RSRC1: variants seen among roughly 807,000 people sequenced by gnomAD.
The protein encoded by RSRC1 is serine/Arginine-related protein 53.
A neutral mutation model predicts 49.1 loss-of-function variants in RSRC1; 39 were observed. That is an observed-to-expected ratio of 0.79 (90% confidence interval 0.61 to 1.04). The LOEUF (loss-of-function observed/expected upper bound fraction) is 1.04. Among genes scored for constraint, RSRC1 ranks in the 50% least tolerant of loss-of-function variants. The pLI is 0.00. For missense variants in RSRC1, 388 were observed against 402.4 expected, an observed-to-expected ratio of 0.96 and a Z score of 0.31; for synonymous variants, 143 against 130.8, an observed-to-expected ratio of 1.09 and a Z score of -0.63.
chr3:158,188,545 C>T (rs1720054796), intron 3 of RSRC1, among the ~76,000 whole-genome samples: 1 of 151,910 alleles, frequency 6.6e-6, no homozygotes, highest in Admixed American at 6.6e-5. Flanking sequence ...CCTAAGGTTC[C>T]TTTATTTCCT....
intron 3 of RSRC1, among the ~76,000 whole-genome samples, chr3:158,187,677 G>C (rs1347157035): frequency 6.6e-6 from 1 of 151,960 alleles, no homozygotes; most frequent in African/African-American, 2.4e-5. Context: ...CACCTATGCT[G>C]ATCTGAACAG....
intron 3 of RSRC1, among the ~76,000 whole-genome samples, chr3:158,189,746 T>C (rs1337483285): frequency 2.0e-5 from 3 of 151,968 alleles, no homozygotes; most frequent in African/African-American, 7.2e-5. Context: ...ATTACTGATA[T>C]ATTTGGATTT....
At chr3:158,317,014 A>C (rs1728503437) in intron 5 of RSRC1, among the ~76,000 whole-genome samples, 1 of 152,224 alleles carries the variant, frequency 6.6e-6, no homozygotes, top group Admixed American at 6.5e-5. Flanking sequence ...GTACAGCAGC[A>C]GTAGATGCAA....
intron 7 of RSRC1, among the ~76,000 whole-genome samples, chr3:158,495,606 C>T (rs1161439653): frequency 6.6e-6 from 1 of 152,124 alleles, no homozygotes; most frequent in Non-Finnish European, 1.5e-5. Context: ...ATTGTTTATG[C>T]AACATTTAGT....
chr3:158,134,999 A>G (rs1716276883), intron 3 of RSRC1, among the ~76,000 whole-genome samples: 1 of 152,160 alleles, frequency 6.6e-6, no homozygotes, highest in Non-Finnish European at 1.5e-5. Context: ...TAATTTATTG[A>G]TAATTTTTTT....
At chr3:158,439,739 A>G (rs1736272962) in intron 6 of RSRC1, among the ~76,000 whole-genome samples, 1 of 152,162 alleles carries the variant, frequency 6.6e-6, no homozygotes, top group African/African-American at 2.4e-5. Flanking sequence ...GGTGCAGCAA[A>G]CCAACATGGC....
chr3:158,333,772 C>T (rs910442028), intron 5 of RSRC1, among the ~76,000 whole-genome samples: 1 of 152,162 alleles, frequency 6.6e-6, no homozygotes, highest in Admixed American at 6.5e-5. Flanking sequence ...TATGTGAAGT[C>T]TCTAAAGCAA....
intron 3 of RSRC1, among the ~76,000 whole-genome samples, chr3:158,155,077 C>T (rs935228636): frequency 1.3e-5 from 2 of 152,058 alleles, no homozygotes; most frequent in East Asian, 3.9e-4. Context: ...AGTCTTCTTC[C>T]TCACAGTCAC....
At chr3:158,222,926 A>G (rs1722305483) in intron 4 of RSRC1, among the ~76,000 whole-genome samples, 1 of 151,568 alleles carries the variant, frequency 6.6e-6, no homozygotes, top group South Asian at 2.1e-4. Flanking sequence ...CATCTCCTCC[A>G]GCACTATTCC....
intron 5 of RSRC1, among the ~76,000 whole-genome samples, chr3:158,337,307 T>C (rs1229690264): frequency 6.6e-6 from 1 of 152,164 alleles, no homozygotes. Context: ...CTAAAATCAG[T>C]CTCATGTGAT....
At chr3:158,317,973 G>A (rs1008526885) in intron 5 of RSRC1, among the ~76,000 whole-genome samples, 1 of 152,148 alleles carries the variant, frequency 6.6e-6, no homozygotes, top group Non-Finnish European at 1.5e-5. Context: ...CTTTAAATGT[G>A]GCCCAACACT....
At chr3:158,165,983 A>T (rs982143768) in intron 3 of RSRC1, among the ~76,000 whole-genome samples, 4 of 152,196 alleles carry the variant, frequency 2.6e-5, no homozygotes, top group Non-Finnish European at 5.9e-5. Flanking sequence ...GGAATTAGTC[A>T]TTAAGCATTA....
At chr3:158,485,688 G>C (rs1434616908) in intron 7 of RSRC1, among the ~76,000 whole-genome samples, 1 of 152,012 alleles carries the variant, frequency 6.6e-6, no homozygotes, top group Non-Finnish European at 1.5e-5. Flanking sequence ...CTATCTCAAA[G>C]TTACATTTAG....
chr3:158,540,206 T>C (rs933955637), intron 8 of RSRC1, among the ~76,000 whole-genome samples: 1 of 152,102 alleles, frequency 6.6e-6, no homozygotes, highest in Non-Finnish European at 1.5e-5. Context: ...CCACAAACCA[T>C]CTAGGCACAG....
chr3:158,473,061 C>T (rs1036581440), intron 7 of RSRC1, among the ~76,000 whole-genome samples: 51 of 152,132 alleles, frequency 3.4e-4, no homozygotes, highest in Admixed American at 2.8e-3. Flanking sequence ...TTTACACTGT[C>T]GGTGGGACTG....
intron 6 of RSRC1, among the ~76,000 whole-genome samples, chr3:158,378,001 T>G (rs1316132809): frequency 6.6e-6 from 1 of 152,134 alleles, no homozygotes; most frequent in Non-Finnish European, 1.5e-5. Context: ...ACTGATACAG[T>G]CATCCTGCTC....
intron 4 of RSRC1, among the ~76,000 whole-genome samples, chr3:158,270,435 C>T (rs562533703): frequency 2.6e-5 from 4 of 152,230 alleles, no homozygotes; most frequent in African/African-American, 4.8e-5. Context: ...AATGGAATTG[C>T]GCTGTGCCAG....
chr3:158,430,699 A>G (rs1301544055), intron 6 of RSRC1, among the ~76,000 whole-genome samples: 1 of 151,898 alleles, frequency 6.6e-6, no homozygotes, highest in Non-Finnish European at 1.5e-5. Context: ...ACTACAAATA[A>G]ACTCTTTTCT....
chr3:158,423,625 T>C lies in RSRC1; in HGVS notation c.584-37310T>C, dbSNP rs200695032. ...CCAATTCTGTGAAGAAAGGCATTGG[T>C]AGCTTGATGGGGATGGCATTGAATC... On this transcript the variant is annotated intron_variant, in intron 6 of 9. Transcript: ENST00000611884. 8.3e-4 allele frequency among the ~76,000 whole-genome samples: 126 copies of C among 152,282 alleles called. No individual in the cohort carries two copies. In the East Asian group the frequency reaches 0.023, roughly 28 times the overall value.
Sources: gnomAD v4.1 joint callset for allele counts (sites outside exome capture counted in the v4.1 genomes callset) on GRCh38, gnomAD v4.1.1 for gene constraint, MANE v1.5 for transcripts, NCBI Gene and HGNC (gene_info 2026-07-23, HGNC 2026-07-21) for gene names.